Variants in PRKAG2 observed in about 807,000 individuals in gnomAD.
The protein encoded by PRKAG2 is protein kinase AMP-activated non-catalytic subunit gamma 2.
PRKAG2 carries 26 observed loss-of-function variants against 69.6 expected under a neutral mutation model. The ratio of observed to expected loss-of-function variants is 0.37; its 90% CI spans 0.27 to 0.52. The LOEUF (loss-of-function observed/expected upper bound fraction) is 0.52. Ranked by LOEUF, PRKAG2 falls within the 20% of genes least tolerant of loss-of-function variation. The pLI, the probability that PRKAG2 is intolerant of heterozygous loss-of-function variation, is 0.90. For synonymous variants in PRKAG2, 293 were observed against 285.0 expected (o/e 1.03, Z -0.28); for missense variants, 557 against 740.0 (o/e 0.75, Z 2.87).
intron 5 of PRKAG2, among the ~76,000 whole-genome samples, chr7:151,619,454 G>GT (rs1820947705): frequency 6.6e-6 from 1 of 152,180 alleles, no homozygotes; most frequent in African/African-American, 2.4e-5. Flanking sequence ...GTTTTTCACT[G>GT]TATTTATCAG....
chr7:151,855,147 CACACACACCATCCTCCA>C (rs2079699293), intron 1 of PRKAG2, among the ~76,000 whole-genome samples: 1 of 69,966 alleles, frequency 1.4e-5, no homozygotes, highest in Admixed American at 1.5e-4. Flanking sequence ...CACCACCCTA[CACACACACCATCCTCCA>C]CACACACCAC....
At chr7:151,838,040 G>A (rs1177014965) in intron 1 of PRKAG2, among the ~76,000 whole-genome samples, 1 of 152,012 alleles carries the variant, frequency 6.6e-6, no homozygotes, top group Non-Finnish European at 1.5e-5. Flanking sequence ...CCCCGGAGGA[G>A]GCCACACCTG....
intron 4 of PRKAG2, among the ~76,000 whole-genome samples, chr7:151,646,840 G>A (rs985444020): frequency 2.0e-5 from 3 of 152,026 alleles, no homozygotes; most frequent in Non-Finnish European, 2.9e-5. Context: ...TTCAGCTCAC[G>A]TGCACAACCT....
At chr7:151,668,446 A>G (rs997692660) in intron 4 of PRKAG2, among the ~76,000 whole-genome samples, 1 of 152,254 alleles carries the variant, frequency 6.6e-6, no homozygotes, top group Non-Finnish European at 1.5e-5. Context: ...AGAAGAGCAT[A>G]GAGAATTCAG....
chr7:151,626,142 T>C (rs1296094132), intron 5 of PRKAG2, among the ~76,000 whole-genome samples: 1 of 152,186 alleles, frequency 6.6e-6, no homozygotes, highest in Non-Finnish European at 1.5e-5. Flanking sequence ...CCCTGATGAC[T>C]TTCCAGCTGG....
At chr7:151,872,492 G>A (rs1168483529) in intron 1 of PRKAG2, among the ~76,000 whole-genome samples, 1 of 152,248 alleles carries the variant, frequency 6.6e-6, no homozygotes, top group Non-Finnish European at 1.5e-5. Flanking sequence ...TGCAGACAAG[G>A]GAATGGGGAA....
chr7:151,755,133 G>A (rs1353846600), intron 3 of PRKAG2, among the ~76,000 whole-genome samples: 2 of 152,270 alleles, frequency 1.3e-5, no homozygotes, highest in East Asian at 1.9e-4. Context: ...TACATCGGCC[G>A]GTTATTGGGC....
intron 1 of PRKAG2, among the ~76,000 whole-genome samples, chr7:151,815,515 C>T (rs1004751952): frequency 1.6e-4 from 25 of 152,326 alleles, no homozygotes; most frequent in African/African-American, 5.8e-4. Flanking sequence ...CCTGTACCCA[C>T]AGTCCCCTAA....
At chr7:151,794,103 G>A (rs376483711) in intron 1 of PRKAG2, among the ~76,000 whole-genome samples, 13 of 152,106 alleles carry the variant, frequency 8.5e-5, no homozygotes, top group Non-Finnish European at 1.5e-4. Flanking sequence ...TCCCACAACC[G>A]CCTCGGGGCT....
chr7:151,794,263 C>G (rs1241653026), intron 1 of PRKAG2, among the ~76,000 whole-genome samples: 1 of 152,248 alleles, frequency 6.6e-6, no homozygotes, highest in African/African-American at 2.4e-5. Flanking sequence ...CAGCACCAGA[C>G]ATGAAACTCT....
Position 151,777,074 on chromosome 7 carries a change from C to T in PRKAG2, c.466+4078G>A, listed in dbSNP as rs1024596456. ...GGTTGGGGGACTCACTCTCTGACTC[C>T]ACCTGCCTGTCTCGGCCCCTGGCTT... On this transcript the variant is annotated intron_variant, in intron 3 of 15. Transcript: ENST00000287878. The surrounding 1 kb of genome is among the most constrained non-coding windows in gnomAD (Gnocchi z 4.3). 1.3e-5 allele frequency among the ~76,000 whole-genome samples: 2 copies of T among 152,144 alleles called. No individual in the cohort carries two copies. Among genetic ancestry groups the T allele is most frequent in the African/African-American group, 4.8e-5 (2 of 41,438 alleles).
chr7:151,835,965 G>T lies in PRKAG2; in HGVS notation c.114+40542C>A, dbSNP rs376877822. On this transcript the variant is annotated intron_variant, in intron 1 of 15. Transcript: ENST00000287878. The surrounding 1 kb of genome is among the most constrained non-coding windows in gnomAD (Gnocchi z 4.1). ...CGAGGCCAATCCACGGGCATTGATT[G>T]CTCCATGGACCAGCGTGTCTGAGCT... Among the ~76,000 whole-genome samples, 8 of 152,214 alleles carry T rather than the reference G, an allele frequency of 5.3e-5. No homozygotes were observed. Among genetic ancestry groups the T allele is most frequent in the East Asian group, 3.8e-4 (2 of 5,200 alleles).
At chr7:151,695,202 T>C (rs975505237) in intron 3 of PRKAG2, among the ~76,000 whole-genome samples, 1 of 152,200 alleles carries the variant, frequency 6.6e-6, no homozygotes, top group Non-Finnish European at 1.5e-5. Context: ...CTGATGACAC[T>C]GTGTTGTGTA....
At chr7:151,612,775 C>T (rs565889570) in intron 5 of PRKAG2, among the ~76,000 whole-genome samples, 1 of 152,356 alleles carries the variant, frequency 6.6e-6, no homozygotes, top group African/African-American at 2.4e-5. Flanking sequence ...CATGGGGAAC[C>T]CCAAGAAATA....
At position 151,814,806 on chromosome 7, in the gene PRKAG2, C is replaced by G. The variant is rs1454787829; in HGVS notation, c.115-28265G>C. The G allele has an allele frequency of 8.1e-7, 1 of 1,231,820 alleles. No homozygotes were observed. The highest frequency in any genetic ancestry group is 4.2e-5 in the Admixed American group (1 of 23,722). 76.3% of individuals were successfully genotyped at this position (1,231,820 alleles called of 1,614,324 possible). Reference sequence around the variant, plus strand: ...ATGCAGGCAGAGCTCGGGCAGATTCCCCCATTGACGGGACTGCAGCAAACT... The same window carrying G: ...ATGCAGGCAGAGCTCGGGCAGATTCGCCCATTGACGGGACTGCAGCAAACT... On this transcript the variant is annotated intron_variant, in intron 1 of 15. Coordinates refer to ENST00000287878, the MANE Select transcript of PRKAG2 (RefSeq NM_016203.4). This position sits in a 1 kb window ranked among gnomAD's most constrained non-coding sequence, Gnocchi z 4.8.
chr7:151,693,713 T>A (rs10232066), intron 3 of PRKAG2, among the ~76,000 whole-genome samples: 24,156 of 152,060 alleles, frequency 0.16, 2,031 homozygotes, highest in Middle Eastern at 0.27. Flanking sequence ...AGGAGGGTGG[T>A]GCCCCATGCC....
intron 1 of PRKAG2, among the ~76,000 whole-genome samples, chr7:151,859,081 C>T (rs2079853608): frequency 6.6e-6 from 1 of 152,250 alleles, no homozygotes; most frequent in South Asian, 2.1e-4. Context: ...AAGCCAGACC[C>T]TGGCCAGGTG....
intron 3 of PRKAG2, among the ~76,000 whole-genome samples, chr7:151,757,096 G>A (rs1320584776): frequency 6.6e-6 from 1 of 152,142 alleles, no homozygotes; most frequent in Non-Finnish European, 1.5e-5. Context: ...CCACTGCCTG[G>A]CGTTTGTTCT....
intron 4 of PRKAG2, among the ~76,000 whole-genome samples, chr7:151,637,527 T>G (rs1825937564): frequency 6.6e-6 from 1 of 152,202 alleles, no homozygotes; most frequent in African/African-American, 2.4e-5. Flanking sequence ...ACAATTAATG[T>G]TTTATGCAAC....
Sources: gnomAD v4.1 joint callset for allele counts (sites outside exome capture counted in the v4.1 genomes callset) on GRCh38, gnomAD v4.1.1 for gene constraint, Gnocchi (gnomAD v3.1) non-coding constraint, MANE v1.5 for transcripts, NCBI Gene and HGNC (gene_info 2026-07-23, HGNC 2026-07-21) for gene names.